Variants in ANKS1B observed in about 807,000 individuals in gnomAD.
ANKS1B encodes the protein ankyrin repeat and sterile alpha motif domain-containing protein 1B.
A neutral mutation model predicts 148.3 loss-of-function variants in ANKS1B; 36 were observed. The ratio of observed to expected loss-of-function variants is 0.24; its 90% confidence interval spans 0.19 to 0.32. ANKS1B has a LOEUF of 0.32. ANKS1B is among the 10% of genes least tolerant of loss of function. ANKS1B has a pLI of 1.00. For missense variants in ANKS1B, 1,157 were observed against 1,542.6 expected, an observed-to-expected ratio of 0.75 and a Z score of 4.19; for synonymous variants, 542 against 560.8, an observed-to-expected ratio of 0.97 and a Z score of 0.47.
At position 98,854,882 on chromosome 12, in the gene ANKS1B, G is replaced by A. The variant is rs569952652; in HGVS notation, c.2779-22746C>T. On this transcript the variant is annotated intron_variant, in intron 17 of 26. Coordinates refer to ENST00000683438, the MANE Select transcript of ANKS1B (RefSeq NM_001352186.2). ...TAAAGTTTTTAAAAATCTCTTGGCC[G>A]GGCGCGGTGGCTCACGCCTGTAATC... Among the ~76,000 whole-genome samples the A allele has an allele frequency of 3.9e-5, 6 of 152,270 alleles. No homozygotes were observed. In the South Asian group the frequency reaches 8.3e-4, roughly 21 times the overall value.
At chr12:98,850,326 G>A (rs1372582637) in intron 17 of ANKS1B, among the ~76,000 whole-genome samples, 1 of 152,112 alleles carries the variant, frequency 6.6e-6, no homozygotes, top group Admixed American at 6.6e-5. Context: ...GAAATTATAA[G>A]TGCCTTTAGC....
intron 26 of ANKS1B, among the ~76,000 whole-genome samples, chr12:98,747,830 T>A (rs1385365461): frequency 6.6e-6 from 1 of 152,214 alleles, no homozygotes; most frequent in East Asian, 1.9e-4. Flanking sequence ...AAGGTCATTA[T>A]GTTGAGTGAA....
At chr12:99,426,307 G>A (rs888996631) in intron 11 of ANKS1B, among the ~76,000 whole-genome samples, 3 of 151,820 alleles carry the variant, frequency 2.0e-5, no homozygotes, top group East Asian at 1.9e-4. Context: ...GTAGATATCC[G>A]TTTGTGTTGA....
At chr12:99,143,890 A>G (rs1351718748) in intron 15 of ANKS1B, among the ~76,000 whole-genome samples, 1 of 152,014 alleles carries the variant, frequency 6.6e-6, no homozygotes, top group African/African-American at 2.4e-5. Flanking sequence ...TTCTCAGCTC[A>G]CTCAGATATG....
chr12:99,179,065 A>T (rs762661623), intron 14 of ANKS1B, among the ~76,000 whole-genome samples: 2 of 152,348 alleles, frequency 1.3e-5, no homozygotes, highest in South Asian at 4.1e-4. Flanking sequence ...AACTATAGTA[A>T]TTATCTAGAT....
intron 11 of ANKS1B, among the ~76,000 whole-genome samples, chr12:99,401,832 C>T (rs911730850): frequency 1.4e-5 from 2 of 146,570 alleles, no homozygotes; most frequent in African/African-American, 5.2e-5. Flanking sequence ...CTTAGTCATG[C>T]CCTAAGGCAA....
At chr12:99,643,733 TC>T (rs1301421946) in intron 9 of ANKS1B, among the ~76,000 whole-genome samples, 6 of 152,206 alleles carry the variant, frequency 3.9e-5, no homozygotes, top group Non-Finnish European at 8.8e-5. Flanking sequence ...ACTGTGGGTC[TC>T]CCAGGTATGT....
intron 14 of ANKS1B, among the ~76,000 whole-genome samples, chr12:99,185,402 A>G (rs1443550296): frequency 1.3e-5 from 2 of 152,240 alleles, no homozygotes; most frequent in African/African-American, 2.4e-5. Flanking sequence ...TAGATTTTAA[A>G]TTGGTTTGTG....
intron 14 of ANKS1B, among the ~76,000 whole-genome samples, chr12:99,162,470 A>G (rs928740061): frequency 6.6e-6 from 1 of 152,138 alleles, no homozygotes; most frequent in Non-Finnish European, 1.5e-5. Context: ...TGTTTAATAT[A>G]TATTGGTAGT....
rs1009874161 is a variant in ANKS1B, at chr12:99,711,137, A to T, written c.1129-55927T>A. 2.0e-5 allele frequency among the ~76,000 whole-genome samples: 3 copies of T among 152,256 alleles called. No individual in the cohort carries two copies. The East Asian group carries it at 5.8e-4, about 29-fold the overall frequency. ...GAGGTCAACTAAGAACAAAACTAAC[A>T]TCATTAGAATAAAATCACCTTATAA... is the stretch of plus-strand genomic sequence containing the variant. On this transcript the variant is annotated intron_variant, in intron 8 of 26. Transcript: ENST00000683438.
At chr12:98,795,529 T>C in intron 22 of ANKS1B, 2 of 397,618 alleles carry the variant, frequency 5.0e-6, no homozygotes, top group Admixed American at 6.9e-5. Flanking sequence ...AGCCTAGCAA[T>C]GATCTAGAAG....
intron 10 of ANKS1B, among the ~76,000 whole-genome samples, chr12:99,463,164 G>C (rs1252973771): frequency 6.6e-6 from 1 of 152,156 alleles, no homozygotes; most frequent in East Asian, 1.9e-4. Flanking sequence ...CAAAAGAAAA[G>C]TACAAATAAA....
intron 9 of ANKS1B, among the ~76,000 whole-genome samples, chr12:99,623,842 C>T (rs1015753028): frequency 1.3e-5 from 2 of 151,354 alleles, no homozygotes; most frequent in Non-Finnish European, 2.9e-5. Context: ...AAGCAATCTA[C>T]ATTTTCAACG....
At chr12:99,043,448 T>A (rs192209409) in intron 17 of ANKS1B, among the ~76,000 whole-genome samples, 132 of 152,344 alleles carry the variant, frequency 8.7e-4, no homozygotes, top group African/African-American at 3.0e-3. Flanking sequence ...GCAGTTAGTT[T>A]CTGCATTTAA....
chr12:99,611,714 C>T (rs1237896857), intron 9 of ANKS1B, among the ~76,000 whole-genome samples: 1 of 151,898 alleles, frequency 6.6e-6, no homozygotes, highest in South Asian at 2.1e-4. Context: ...AATAATAGAG[C>T]TTTTATGCAG....
intron 14 of ANKS1B, among the ~76,000 whole-genome samples, chr12:99,224,446 C>T (rs1034334819): frequency 4.6e-5 from 7 of 152,018 alleles, no homozygotes; most frequent in Non-Finnish European, 8.8e-5. Context: ...GCTGTTCTTA[C>T]GATAGTGAGT....
chr12:99,387,487 G>A (rs912161742), intron 12 of ANKS1B, among the ~76,000 whole-genome samples: 6 of 152,194 alleles, frequency 3.9e-5, no homozygotes, highest in African/African-American at 1.4e-4. Flanking sequence ...GTGGTGGTGC[G>A]TGCCTGTAGT....
chr12:99,438,737 A>G (rs1447588087), intron 11 of ANKS1B, among the ~76,000 whole-genome samples: 3 of 151,948 alleles, frequency 2.0e-5, no homozygotes, highest in African/African-American at 7.2e-5. Context: ...AACCAAGAGT[A>G]CACGCAATAA....
At chr12:99,293,224 T>C (rs943704395) in intron 12 of ANKS1B, among the ~76,000 whole-genome samples, 2 of 151,886 alleles carry the variant, frequency 1.3e-5, no homozygotes, top group Non-Finnish European at 2.9e-5. Flanking sequence ...AGCTGGAAAC[T>C]ATCATTCTGA....
Sources: gnomAD v4.1 joint callset for allele counts (sites outside exome capture counted in the v4.1 genomes callset) on GRCh38, gnomAD v4.1.1 for gene constraint, MANE v1.5 for transcripts, NCBI Gene and HGNC (gene_info 2026-07-23, HGNC 2026-07-21) for gene names.